The following YPEL2 variants were observed in gnomAD, a reference collection of about 807,000 sequenced individuals.
The protein encoded by YPEL2 is yippee like 2.
YPEL2 carries 2 observed loss-of-function variants against 19.1 expected under a neutral mutation model. That is an observed-to-expected ratio of 0.10 (90% CI 0.04 to 0.33). The LOEUF is 0.33. Among genes scored for constraint, YPEL2 ranks in the 10% least tolerant of loss-of-function variants. YPEL2 has a pLI of 1.00. For synonymous variants in YPEL2, 52 were observed against 50.0 expected, an observed-to-expected ratio of 1.04 and a Z score of -0.17; for missense variants, 66 against 140.7, an observed-to-expected ratio of 0.47 and a Z score of 2.68.
intron 1 of YPEL2, among the ~76,000 whole-genome samples, chr17:59,344,196 G>T (rs938635878): frequency 1.3e-5 from 2 of 152,094 alleles, no homozygotes; most frequent in African/African-American, 4.8e-5. Context: ...GCCCAGCATG[G>T]AGACATCCTT....
chr17:59,367,053 A>G (rs1414897935), intron 2 of YPEL2, among the ~76,000 whole-genome samples: 1 of 152,214 alleles, frequency 6.6e-6, no homozygotes, highest in African/African-American at 2.4e-5. Flanking sequence ...GGCTGCTGCC[A>G]GGTACCTGTG....
At chr17:59,380,990 T>TTCA (rs1347241232) in intron 2 of YPEL2, among the ~76,000 whole-genome samples, 7 of 152,226 alleles carry the variant, frequency 4.6e-5, no homozygotes, top group Admixed American at 2.6e-4. Flanking sequence ...AGTCAACCTC[T>TTCA]TCATCTCTCT....
intron 2 of YPEL2, chr17:59,354,099 C>G (rs1347528130): frequency 6.3e-6 from 1 of 159,254 alleles, no homozygotes; most frequent in South Asian, 1.8e-4. Context: ...AGAATGGAAC[C>G]CTGTTTTTCC....
intron 2 of YPEL2, chr17:59,366,249 G>T (rs1044356855): frequency 6.5e-6 from 1 of 154,098 alleles, no homozygotes; most frequent in Non-Finnish European, 1.5e-5. Flanking sequence ...CCTCTTACGT[G>T]TTAGACCCTG....
At chr17:59,370,081 G>C (rs1350556601) in intron 2 of YPEL2, among the ~76,000 whole-genome samples, 1 of 152,206 alleles carries the variant, frequency 6.6e-6, no homozygotes, top group African/African-American at 2.4e-5. Flanking sequence ...TTTTGAGACG[G>C]AGTCTCGCTC....
chr17:59,339,796 AT>A (rs1310180535), intron 1 of YPEL2, among the ~76,000 whole-genome samples: 4 of 152,130 alleles, frequency 2.6e-5, no homozygotes, highest in Admixed American at 1.3e-4. Flanking sequence ...CATCATCATA[AT>A]GCCTGTCTCC....
At chr17:59,395,690 A>C (rs187502590) in intron 4 of YPEL2, among the ~76,000 whole-genome samples, 85 of 152,290 alleles carry the variant, frequency 5.6e-4, no homozygotes, top group African/African-American at 1.9e-3. Context: ...ACATAGAAGC[A>C]GCAAGAAAAA....
chr17:59,373,128 A>G (rs113486898), intron 2 of YPEL2, among the ~76,000 whole-genome samples: 3,258 of 152,256 alleles, frequency 0.021, 103 homozygotes, highest in East Asian at 0.12. Context: ...CAGCCTCCCA[A>G]AGTGCTGGGA....
At chr17:59,361,349 A>G (rs1201100647) in intron 2 of YPEL2, among the ~76,000 whole-genome samples, 1 of 152,166 alleles carries the variant, frequency 6.6e-6, no homozygotes, top group Non-Finnish European at 1.5e-5. Flanking sequence ...TTATAATACT[A>G]CTCAAAAATT....
intron 4 of YPEL2, among the ~76,000 whole-genome samples, chr17:59,395,142 C>T (rs527333653): frequency 6.6e-6 from 1 of 152,344 alleles, no homozygotes; most frequent in South Asian, 2.1e-4. Flanking sequence ...CCTCCTTCCC[C>T]CCCAAACACA....
intron 4 of YPEL2, among the ~76,000 whole-genome samples, chr17:59,395,164 C>T (rs2048032362): frequency 6.6e-6 from 1 of 152,182 alleles, no homozygotes; most frequent in South Asian, 2.1e-4. Context: ...TACCGTGGAA[C>T]AATGGACCTT....
At chr17:59,351,349 T>G (rs950495543) in intron 1 of YPEL2, among the ~76,000 whole-genome samples, 2 of 152,052 alleles carry the variant, frequency 1.3e-5, no homozygotes, top group Non-Finnish European at 2.9e-5. Flanking sequence ...TACTCCAGCC[T>G]GGAAGACAGA....
At chr17:59,388,486 T>G (rs2047992235) in intron 3 of YPEL2, 116 bp downstream of exon 3, 1 of 1,043,568 alleles carries the variant, frequency 9.6e-7, no homozygotes, top group Non-Finnish European at 1.5e-6. Context: ...AGTAAAACTC[T>G]GTGGAGCATT....
In YPEL2 at chr17:59,357,292, C is replaced by A. The variant is rs375108291; in HGVS notation, c.117+3766C>A. On this transcript the variant is annotated intron_variant, in intron 2 of 4. Transcript: ENST00000312655. ...AGTTTTAGTTTGGCTAAGATGGCTT[C>A]ACTTTGGAACCTGAGGCACAAGATT... Among the ~76,000 whole-genome samples, 41 of 152,174 alleles carry A rather than the reference C, an allele frequency of 2.7e-4. No homozygotes were observed. In the South Asian group the frequency reaches 8.5e-3, roughly 32 times the overall value.
At chr17:59,354,669 A>ACTC (rs2047803742) in intron 2 of YPEL2, 1 of 152,078 alleles carries the variant, frequency 6.6e-6, no homozygotes, top group Admixed American at 6.6e-5. Flanking sequence ...TTCTAGCCTT[A>ACTC]CTCCAGGGTC....
intron 1 of YPEL2, among the ~76,000 whole-genome samples, chr17:59,347,773 AGT>A (rs1194322047): frequency 6.6e-6 from 1 of 152,180 alleles, no homozygotes; most frequent in Non-Finnish European, 1.5e-5. Context: ...CTTGAAGACA[AGT>A]TAAAGGATCC....
intron 1 of YPEL2, among the ~76,000 whole-genome samples, chr17:59,347,708 A>G (rs973438223): frequency 2.6e-5 from 4 of 152,148 alleles, no homozygotes; most frequent in Non-Finnish European, 5.9e-5. Context: ...TCTCATCTTG[A>G]AAAGAGAATT....
At chr17:59,390,563 C>G (rs987111071) in intron 4 of YPEL2, among the ~76,000 whole-genome samples, 5 of 152,234 alleles carry the variant, frequency 3.3e-5, no homozygotes, top group African/African-American at 7.2e-5. Flanking sequence ...CATCCACTGT[C>G]AGATGTGATC....
At chr17:59,365,479 A>G (rs2047863815) in intron 2 of YPEL2, among the ~76,000 whole-genome samples, 1 of 152,182 alleles carries the variant, frequency 6.6e-6, no homozygotes, top group South Asian at 2.1e-4. Flanking sequence ...TGGCTGTGAC[A>G]CAGCAGCCCA....
Sources: gnomAD v4.1 joint callset for allele counts (sites outside exome capture counted in the v4.1 genomes callset) on GRCh38, gnomAD v4.1.1 for gene constraint, MANE v1.5 for transcripts, NCBI Gene and HGNC (gene_info 2026-07-23, HGNC 2026-07-21) for gene names.